Variants in SPOCK1 observed in about 807,000 individuals in gnomAD.
SPOCK1 encodes SPARC (osteonectin), cwcv and kazal like domains proteoglycan 1.
In SPOCK1, 23 loss-of-function variants were observed where a neutral mutation model predicts 55.3. The observed-to-expected ratio is 0.42, with a 90% CI of 0.30 to 0.59. The LOEUF (loss-of-function observed/expected upper bound fraction) is 0.59, where lower values mean the gene tolerates loss of function less well. SPOCK1 is among the 20% of genes least tolerant of loss of function. The probability of loss-of-function intolerance (pLI) is 0.22; values close to 1 mark genes in which losing one functional copy is unlikely to be tolerated. For missense variants in SPOCK1, 499 were observed against 552.5 expected (o/e 0.90, Z 0.97); for synonymous variants, 226 against 221.0 (o/e 1.02, Z -0.20).
chr5:137,271,850 C>A (rs1529818), intron 2 of SPOCK1, among the ~76,000 whole-genome samples: 103,437 of 152,114 alleles, frequency 0.68, 35,700 homozygotes, highest in African/African-American at 0.77. Flanking sequence ...CTCATGAAAC[C>A]GATCGTTTCT....
At chr5:137,224,551 C>T (rs558353526) in intron 3 of SPOCK1, among the ~76,000 whole-genome samples, 10 of 152,144 alleles carry the variant, frequency 6.6e-5, no homozygotes, top group Non-Finnish European at 7.4e-5. Flanking sequence ...CTACATGCAG[C>T]TTTCAGAACC....
chr5:137,340,444 A>G (rs1750393438), intron 2 of SPOCK1, among the ~76,000 whole-genome samples: 2 of 152,182 alleles, frequency 1.3e-5, no homozygotes, highest in African/African-American at 4.8e-5. Flanking sequence ...CTTCCTAACT[A>G]TGACCTAAAA....
chr5:137,217,106 A>T (rs560589616), intron 3 of SPOCK1, among the ~76,000 whole-genome samples: 1 of 152,314 alleles, frequency 6.6e-6, no homozygotes, highest in East Asian at 1.9e-4. Context: ...GCCACAAGGA[A>T]TCAAGATAAA....
intron 2 of SPOCK1, among the ~76,000 whole-genome samples, chr5:137,412,071 G>A (rs1212979416): frequency 6.6e-6 from 1 of 152,290 alleles, no homozygotes; most frequent in East Asian, 1.9e-4. Context: ...GTGAAGAGTT[G>A]AGGGGAAGAG....
At chr5:137,284,637 T>C (rs181644671) in intron 2 of SPOCK1, among the ~76,000 whole-genome samples, 118 of 152,246 alleles carry the variant, frequency 7.8e-4, no homozygotes, top group African/African-American at 2.6e-3. Context: ...AGTGACCTCA[T>C]GAAAGGAGAA....
rs146762668 is a variant in SPOCK1 at position 137,434,480 on chromosome 5, C to CTTTTTTTTTTTTTTTT, written c.186+63877_186+63892dup. The stretch of plus-strand genomic sequence containing the variant: ...TTTCCCTTCTCCATTTCTTTTTTTT[C>CTTTTTTTTTTTTTTTT]TTTTTTTTTTTTTTTTTTTTTTTTT... On this transcript the variant is annotated intron_variant, in intron 2 of 10. Coordinates refer to ENST00000394945, the MANE Select transcript of SPOCK1 (RefSeq NM_004598.4). 9.4e-3 allele frequency among the ~76,000 whole-genome samples: 640 copies of CTTTTTTTTTTTTTTTT among 68,276 alleles called. 74 individuals are homozygous for CTTTTTTTTTTTTTTTT. Among genetic ancestry groups the CTTTTTTTTTTTTTTTT allele is most frequent in the Admixed American group, 0.012 (51 of 4,188 alleles). The allele number at this position is 68,276 out of a possible 152,430, so 44.8% of individuals were successfully genotyped here. A position where few individuals can be genotyped will look rare whatever the true frequency, so the allele number is the denominator to read the frequency against.
In SPOCK1 at chr5:137,401,558, CAA is replaced by C. The variant is rs34044799; in HGVS notation, c.186+96813_186+96814del. ...GCAATATAGCAAGACCTCATCTCTA[CAA>C]AAAAAAAAAAAAAAAAAAATGTAAG... On this transcript the variant is annotated intron_variant, in intron 2 of 10. Transcript: ENST00000394945. Among the ~76,000 whole-genome samples the C allele has an allele frequency of 8.2e-3, 825 of 100,416 alleles. 6 individuals are homozygous for C. Among genetic ancestry groups the C allele is most frequent in the Middle Eastern group, 0.054 (8 of 148 alleles). 65.9% of individuals were successfully genotyped at this position (100,416 alleles called of 152,430 possible).
Position 137,420,619 on chromosome 5 carries a change from A to C in SPOCK1, c.186+77754T>G, listed in dbSNP as rs183231565. Among the ~76,000 whole-genome samples the C allele has an allele frequency of 6.1e-3, 931 of 152,220 alleles. 4 individuals carry two copies. Among genetic ancestry groups the C allele is most frequent in the Non-Finnish European group, 0.011 (718 of 68,024 alleles). On this transcript the variant is annotated intron_variant, in intron 2 of 10. Coordinates refer to ENST00000394945, the MANE Select transcript of SPOCK1 (RefSeq NM_004598.4). ...ATAGTATTCTCTGATGGTAGTTTGT[A>C]TTTCTGTGGGATCAGTCGTGATATC...
At chr5:137,136,723 G>C (rs1221760180) in intron 4 of SPOCK1, among the ~76,000 whole-genome samples, 2 of 152,092 alleles carry the variant, frequency 1.3e-5, no homozygotes, top group Non-Finnish European at 2.9e-5. Flanking sequence ...CTTAAGAGAA[G>C]GCTTCCTGAC....
At chr5:137,276,595 C>T (rs550764736) in intron 2 of SPOCK1, among the ~76,000 whole-genome samples, 2 of 152,352 alleles carry the variant, frequency 1.3e-5, no homozygotes, top group East Asian at 1.9e-4. Flanking sequence ...AACAATCCAA[C>T]CTCGGCTGGT....
intron 3 of SPOCK1, among the ~76,000 whole-genome samples, chr5:137,182,800 T>G (rs577336806): frequency 4.4e-4 from 67 of 152,266 alleles, no homozygotes; most frequent in African/African-American, 1.5e-3. Flanking sequence ...CACAGTACCA[T>G]CAGGCTAAGC....
intron 4 of SPOCK1, among the ~76,000 whole-genome samples, chr5:137,136,900 T>C (rs1453826868): frequency 6.6e-6 from 1 of 152,178 alleles, no homozygotes; most frequent in Non-Finnish European, 1.5e-5. Flanking sequence ...AAAGAGAATA[T>C]GAGTTTACCT....
chr5:137,197,506 G>A (rs1253128150), intron 3 of SPOCK1, among the ~76,000 whole-genome samples: 2 of 152,124 alleles, frequency 1.3e-5, no homozygotes, highest in East Asian at 3.9e-4. Flanking sequence ...GGCTGCATGA[G>A]GATTAAATAA....
At chr5:137,253,381 G>T (rs1756573586) in intron 3 of SPOCK1, among the ~76,000 whole-genome samples, 1 of 152,162 alleles carries the variant, frequency 6.6e-6, no homozygotes, top group East Asian at 1.9e-4. Context: ...TTACTTATTA[G>T]ATATTCTTGC....
intron 2 of SPOCK1, among the ~76,000 whole-genome samples, chr5:137,294,211 C>T (rs1369007552): frequency 6.6e-6 from 1 of 152,066 alleles, no homozygotes; most frequent in Non-Finnish European, 1.5e-5. Context: ...GATGAAACAG[C>T]AGCATCTAAG....
At chr5:137,441,877 C>T (rs138512795) in intron 2 of SPOCK1, among the ~76,000 whole-genome samples, 42 of 152,338 alleles carry the variant, frequency 2.8e-4, no homozygotes, top group African/African-American at 9.9e-4. Flanking sequence ...CAGTTACCTA[C>T]TCACAACTAG....
intron 6 of SPOCK1, among the ~76,000 whole-genome samples, chr5:137,009,742 A>G (rs1751316740): frequency 1.3e-5 from 2 of 152,188 alleles, no homozygotes; most frequent in African/African-American, 4.8e-5. Context: ...TTTAATCAAC[A>G]CAATCTGTGT....
chr5:137,329,517 A>G (rs1053185285), intron 2 of SPOCK1, among the ~76,000 whole-genome samples: 27 of 152,156 alleles, frequency 1.8e-4, no homozygotes, highest in African/African-American at 6.5e-4. Context: ...AGATTTTTTT[A>G]TGGGTCATTT....
At chr5:137,115,975 G>A (rs1238888678) in intron 4 of SPOCK1, among the ~76,000 whole-genome samples, 1 of 152,202 alleles carries the variant, frequency 6.6e-6, no homozygotes, top group African/African-American at 2.4e-5. Flanking sequence ...AAGGTATCTT[G>A]ATGGGATTGT....
Sources: gnomAD v4.1 joint callset for allele counts (sites outside exome capture counted in the v4.1 genomes callset) on GRCh38, gnomAD v4.1.1 for gene constraint, MANE v1.5 for transcripts, NCBI Gene and HGNC (gene_info 2026-07-23, HGNC 2026-07-21) for gene names.